PDE1A: variants seen among roughly 807,000 people sequenced by gnomAD.
The protein encoded by PDE1A is phosphodiesterase 1A.
In PDE1A, 35 loss-of-function variants were observed where a neutral mutation model predicts 61.7. The observed-to-expected ratio is 0.57, with a 90% confidence interval of 0.43 to 0.75. The LOEUF is 0.75. Among genes scored for constraint, PDE1A ranks in the 30% least tolerant of loss-of-function variants. The pLI is 0.00. For synonymous variants in PDE1A, 232 were observed against 213.2 expected (o/e 1.09, Z -0.77); for missense variants, 597 against 630.6 (o/e 0.95, Z 0.57).
chr2:182,144,203 A>G (rs1690374700), downstream of PDE1A, among the ~76,000 whole-genome samples: 1 of 152,224 alleles, frequency 6.6e-6, no homozygotes, highest in Admixed American at 6.5e-5. Flanking sequence ...ACCGGTCGTG[A>G]TAGGGAACAC....
chr2:182,595,575 T>C, the PDE1A span, among the ~76,000 whole-genome samples: 1 of 152,260 alleles, frequency 6.6e-6, no homozygotes, highest in Admixed American at 6.5e-5. Context: ...GTTTTCAACT[T>C]GGCCAAAGAT....
chr2:182,232,714 C>T (rs1385854411), intron 4 of PDE1A, among the ~76,000 whole-genome samples: 1 of 152,164 alleles, frequency 6.6e-6, no homozygotes, highest in Admixed American at 6.5e-5. Flanking sequence ...CATTTTACAT[C>T]AGTAAATCTC....
intron 1 of PDE1A, among the ~76,000 whole-genome samples, chr2:182,273,694 T>C (rs186546588): frequency 4.6e-5 from 7 of 152,212 alleles, no homozygotes; most frequent in Admixed American, 3.9e-4. Context: ...TGAGTACTTT[T>C]ACAAAAATCA....
intron 2 of PDE1A, among the ~76,000 whole-genome samples, chr2:182,452,934 A>C: frequency 6.6e-6 from 1 of 152,160 alleles, no homozygotes; most frequent in African/African-American, 2.4e-5. Flanking sequence ...TAGCCAAGAA[A>C]AAAGAACAGA....
chr2:182,624,425 A>C, the PDE1A span, among the ~76,000 whole-genome samples: 1 of 152,190 alleles, frequency 6.6e-6, no homozygotes, highest in East Asian at 1.9e-4. Flanking sequence ...AACATTTGTC[A>C]ATAGTACTAG....
chr2:182,469,254 T>A (rs562564291), intron 2 of PDE1A, among the ~76,000 whole-genome samples: 1 of 152,118 alleles, frequency 6.6e-6, no homozygotes, highest in Non-Finnish European at 1.5e-5. Flanking sequence ...TGTTGTTTAG[T>A]GTAGCTACCT....
chr2:182,502,848 T>A (rs1574814261), intron 2 of PDE1A, among the ~76,000 whole-genome samples: 3 of 152,302 alleles, frequency 2.0e-5, no homozygotes, highest in East Asian at 3.9e-4. Context: ...GATTTGTGCC[T>A]ATGGAGCTAC....
chr2:182,360,533 T>C (rs559858091), intron 1 of PDE1A, among the ~76,000 whole-genome samples: 2 of 150,946 alleles, frequency 1.3e-5, no homozygotes, highest in East Asian at 3.9e-4. Flanking sequence ...TTTAGTGTTT[T>C]TTTTTTTTTT....
In PDE1A at chr2:182,233,441, T is replaced by C. The variant is rs565377940; in HGVS notation, c.417+991A>G. 1.5e-3 allele frequency among the ~76,000 whole-genome samples: 228 copies of C among 151,992 alleles called. 1 individual carries two copies. Among genetic ancestry groups the C allele is most frequent in the Admixed American group, 4.1e-3 (63 of 15,252 alleles). On this transcript the variant is annotated intron_variant, in intron 4 of 13. Coordinates refer to ENST00000351439, the Ensembl canonical transcript of PDE1A. ...GACAGGAGGCAGAGAAACATAAATA[T>C]AAAAAAAGCACCAAAGAAAAATGAG...
At chr2:182,652,425 TA>T in the PDE1A span, among the ~76,000 whole-genome samples, 2 of 152,182 alleles carry the variant, frequency 1.3e-5, no homozygotes, top group South Asian at 2.1e-4. Flanking sequence ...CTGCCTATTT[TA>T]CACCTCCTTC....
chr2:182,497,786 T>C (rs921693494), intron 2 of PDE1A, among the ~76,000 whole-genome samples: 6 of 151,994 alleles, frequency 3.9e-5, no homozygotes, highest in African/African-American at 1.5e-4. Context: ...CTCACGCCTG[T>C]AATCCCAGCA....
the PDE1A span, among the ~76,000 whole-genome samples, chr2:182,632,369 C>G: frequency 2.0e-5 from 3 of 152,052 alleles, no homozygotes. Context: ...TTAGCATCCA[C>G]CTGAGTAAAT....
intron 10 of PDE1A, among the ~76,000 whole-genome samples, chr2:182,195,109 TTGA>T (rs1390748154): frequency 6.6e-6 from 1 of 152,108 alleles, no homozygotes; most frequent in East Asian, 1.9e-4. Context: ...CTTTTTAAAC[TTGA>T]TGATTGTGTT....
At chr2:182,481,360 T>G (rs1194314322) in intron 2 of PDE1A, among the ~76,000 whole-genome samples, 4 of 151,902 alleles carry the variant, frequency 2.6e-5, no homozygotes, top group African/African-American at 4.8e-5. Flanking sequence ...ATGGAACCTG[T>G]GCTTGAATAC....
chr2:182,407,850 T>A (rs1702388774), intron 1 of PDE1A, among the ~76,000 whole-genome samples: 1 of 152,180 alleles, frequency 6.6e-6, no homozygotes, highest in African/African-American at 2.4e-5. Flanking sequence ...AAGAATACAA[T>A]GTTTCTTAAA....
the PDE1A span, among the ~76,000 whole-genome samples, chr2:182,612,339 G>A: frequency 6.6e-6 from 1 of 152,130 alleles, no homozygotes; most frequent in African/African-American, 2.4e-5. Flanking sequence ...ATAGACTATT[G>A]TTCAGAAACA....
chr2:182,670,301 T>C, the PDE1A span, among the ~76,000 whole-genome samples: 1 of 152,226 alleles, frequency 6.6e-6, no homozygotes, highest in South Asian at 2.1e-4. Flanking sequence ...CAAGGACTAG[T>C]ATTTCTCAAT....
At position 182,456,466 on chromosome 2, in the gene PDE1A, TATA is replaced by T. The variant is rs1349663917; in HGVS notation, c.101+65807_101+65809del. Among the ~76,000 whole-genome samples the T allele has an allele frequency of 2.0e-5, 3 of 152,212 alleles. No individual in the cohort carries two copies. The East Asian group carries it at 5.8e-4, about 29-fold the overall frequency. The stretch of plus-strand genomic sequence containing the variant: ...TTACCCATATAAATTTTTGAATCAA[TATA>T]ATACCTTAGCTGTGTAATGCCTAAA... On this transcript the variant is annotated intron_variant, in intron 2 of 14. Coordinates refer to the PDE1A transcript ENST00000410103.
intron 2 of PDE1A, among the ~76,000 whole-genome samples, chr2:182,514,969 G>A (rs546992403): frequency 1.3e-5 from 2 of 152,152 alleles, no homozygotes; most frequent in Non-Finnish European, 2.9e-5. Context: ...CCCAAACCAT[G>A]TTCTTCCATG....
Sources: allele counts gnomAD v4.1 joint callset (sites outside exome capture counted in the v4.1 genomes callset), GRCh38; gene constraint gnomAD v4.1.1; transcripts MANE v1.5; gene names NCBI Gene and HGNC (gene_info 2026-07-23, HGNC 2026-07-21).